AK7: variants seen among roughly 807,000 people sequenced by gnomAD.
The protein encoded by AK7 is adenylate kinase 7, also known as ATP-AMP transphosphorylase 7.
In AK7, 78 loss-of-function variants were observed where a neutral mutation model predicts 96.6. The observed-to-expected ratio is 0.81, with a 90% CI of 0.67 to 0.97. AK7 has a LOEUF of 0.97. Ranked by LOEUF, AK7 falls within the 50% of genes least tolerant of loss-of-function variation. The pLI is 0.00. For missense variants in AK7, 855 were observed against 887.9 expected, an observed-to-expected ratio of 0.96 and a Z score of 0.47; for synonymous variants, 302 against 317.2, an observed-to-expected ratio of 0.95 and a Z score of 0.51.
chr14:96,481,499 A>C (rs1379918694), intron 15 of AK7, among the ~76,000 whole-genome samples: 2 of 151,866 alleles, frequency 1.3e-5, no homozygotes, highest in Non-Finnish European at 2.9e-5. Flanking sequence ...GGTGTATGCC[A>C]CATGCCCAGC....
intron 4 of AK7, among the ~76,000 whole-genome samples, chr14:96,415,690 T>C (rs940787367): frequency 6.6e-6 from 1 of 151,520 alleles, no homozygotes; most frequent in Non-Finnish European, 1.5e-5. Context: ...TCAGTTTTGT[T>C]ACAAATGAAG....
At chr14:96,461,760 A>G (rs537190393) in intron 12 of AK7, among the ~76,000 whole-genome samples, 1 of 151,938 alleles carries the variant, frequency 6.6e-6, no homozygotes, top group East Asian at 1.9e-4. Context: ...AATTTTTTGT[A>G]TTTTTAGTAG....
At chr14:96,394,330 G>T (rs1036944091) in intron 1 of AK7, among the ~76,000 whole-genome samples, 1 of 152,136 alleles carries the variant, frequency 6.6e-6, no homozygotes, top group Non-Finnish European at 1.5e-5. Context: ...AGACTTTTAG[G>T]GGCCCACAAA....
intron 2 of AK7, 111 bp from the exon 3 acceptor site, chr14:96,404,646 T>C: frequency 1.8e-6 from 1 of 545,076 alleles, no homozygotes; most frequent in Non-Finnish European, 3.2e-6. Context: ...AAGTGTTTCC[T>C]GTGGGACTCC....
At chr14:96,484,944 T>G (rs1361474579) in intron 16 of AK7, among the ~76,000 whole-genome samples, 1 of 152,038 alleles carries the variant, frequency 6.6e-6, no homozygotes, top group Non-Finnish European at 1.5e-5. Context: ...AAAGGAGGGA[T>G]GGAGGGAGGG....
chr14:96,447,722 TC>T (rs77146691), intron 8 of AK7, among the ~76,000 whole-genome samples: 13,577 of 151,964 alleles, frequency 0.089, 826 homozygotes, highest in East Asian at 0.14. Flanking sequence ...ACTCCTGGGC[TC>T]AAGTGATCCT....
chr14:96,408,752 G>A (rs1304898421), intron 3 of AK7, 95 bp from the exon 4 acceptor site: 1 of 1,079,916 alleles, frequency 9.3e-7, no homozygotes. Flanking sequence ...GCACCCTGGT[G>A]TTAAGTGGCT....
intron 5 of AK7, among the ~76,000 whole-genome samples, chr14:96,423,278 G>A (rs541757196): frequency 1.3e-5 from 2 of 152,312 alleles, no homozygotes; most frequent in South Asian, 4.1e-4. Context: ...CACTGCTACA[G>A]TTCTGGTCTC....
intron 5 of AK7, among the ~76,000 whole-genome samples, chr14:96,436,598 T>C (rs1892648476): frequency 6.6e-6 from 1 of 152,162 alleles, no homozygotes; most frequent in Non-Finnish European, 1.5e-5. Context: ...TGAGCCTAGA[T>C]TATGCCACTG....
chr14:96,457,991 C>A (rs761286766), intron 11 of AK7, 92 bp from the exon 12 acceptor site: 6 of 1,552,080 alleles, frequency 3.9e-6, no homozygotes, highest in Non-Finnish European at 4.4e-6. Context: ...TATTTGGATC[C>A]CAAGCTTTTT....
chr14:96,454,525 T>G (rs1595435566), intron 10 of AK7, among the ~76,000 whole-genome samples: 1 of 152,046 alleles, frequency 6.6e-6, no homozygotes, highest in South Asian at 2.1e-4. Flanking sequence ...TTGCCCAGGT[T>G]GGAGTGCAGT....
chr14:96,414,320 G>T (rs1280218629), intron 4 of AK7, among the ~76,000 whole-genome samples: 1 of 152,192 alleles, frequency 6.6e-6, no homozygotes, highest in African/African-American at 2.4e-5. Flanking sequence ...CATCACTTCT[G>T]CAAATTTCTT....
intron 4 of AK7, among the ~76,000 whole-genome samples, chr14:96,419,379 C>T (rs1275327462): frequency 3.3e-5 from 5 of 152,166 alleles, no homozygotes; most frequent in Non-Finnish European, 5.9e-5. Context: ...CCTGTAATCC[C>T]ACCATTCTGC....
In AK7 at chr14:96,456,797, G is replaced by A. The variant is rs114499979; in HGVS notation, c.1227+322G>A. 1,049 of 237,966 alleles carry A rather than the reference G, an allele frequency of 4.4e-3. 12 individuals are homozygous for A. The highest frequency in any genetic ancestry group is 0.022 in the African/African-American group (966 of 44,186). 14.7% of individuals were successfully genotyped at this position (237,966 alleles called of 1,614,324 possible). ...TGTCGTCTTCTTCGTGGCCAACTCA[G>A]GGGTCGGGGGATGTTAGTTGATGAT... On this transcript the variant is annotated intron_variant, in intron 11 of 17. Coordinates refer to ENST00000267584, the MANE Select transcript of AK7 (RefSeq NM_152327.5).
At chr14:96,457,658 T>C (rs529867090) in intron 11 of AK7, among the ~76,000 whole-genome samples, 21 of 152,296 alleles carry the variant, frequency 1.4e-4, no homozygotes, top group African/African-American at 4.8e-4. Context: ...ATTAGTGTTG[T>C]ATGTTTCTCG....
At chr14:96,428,333 T>C (rs982028701) in intron 5 of AK7, among the ~76,000 whole-genome samples, 2 of 152,196 alleles carry the variant, frequency 1.3e-5, no homozygotes, top group Non-Finnish European at 2.9e-5. Context: ...ATGGTGTATA[T>C]GTGCCACATT....
chr14:96,460,380 T>C (rs969522289), intron 12 of AK7, among the ~76,000 whole-genome samples: 1 of 152,206 alleles, frequency 6.6e-6, no homozygotes, highest in East Asian at 1.9e-4. Context: ...TCCTTCCTCC[T>C]CCCTTCTTGC....
intron 1 of AK7, 72 bp downstream of exon 1, chr14:96,392,331 C>T (rs1171949836): frequency 7.2e-7 from 1 of 1,386,886 alleles, no homozygotes; most frequent in Non-Finnish European, 1.0e-6. Context: ...GGTCCGCAAA[C>T]CCAGCGAGGG....
chr14:96,423,475 A>C (rs1891830809), intron 5 of AK7, among the ~76,000 whole-genome samples: 1 of 151,784 alleles, frequency 6.6e-6, no homozygotes, highest in African/African-American at 2.4e-5. Context: ...AATATCCCCC[A>C]AAATGAAGTT....
Sources: gnomAD v4.1 joint callset for allele counts (sites outside exome capture counted in the v4.1 genomes callset) on GRCh38, gnomAD v4.1.1 for gene constraint, MANE v1.5 for transcripts, NCBI Gene and HGNC (gene_info 2026-07-23, HGNC 2026-07-21) for gene names.